EXOC6B: variants seen among roughly 807,000 people sequenced by gnomAD.
EXOC6B encodes SEC15 homolog B.
In EXOC6B, 54 loss-of-function variants were observed where a neutral mutation model predicts 113.5. The observed-to-expected ratio is 0.48, with a 90% CI of 0.38 to 0.60. The LOEUF (loss-of-function observed/expected upper bound fraction) is 0.60, where lower values mean the gene tolerates loss of function less well. Ranked by LOEUF, EXOC6B falls within the 20% of genes least tolerant of loss-of-function variation. EXOC6B has a pLI of 0.00. For missense variants in EXOC6B, 797 were observed against 977.5 expected, an observed-to-expected ratio of 0.82 and a Z score of 2.46; for synonymous variants, 357 against 339.0, an observed-to-expected ratio of 1.05 and a Z score of -0.58.
intron 18 of EXOC6B, among the ~76,000 whole-genome samples, chr2:72,412,869 T>C (rs1694266880): frequency 6.6e-6 from 1 of 152,164 alleles, no homozygotes; most frequent in Admixed American, 6.6e-5. Context: ...CAGCATAAAG[T>C]AGAAGAAGCT....
intron 20 of EXOC6B, among the ~76,000 whole-genome samples, chr2:72,329,210 G>C (rs1688299614): frequency 6.6e-6 from 1 of 151,950 alleles, no homozygotes; most frequent in Non-Finnish European, 1.5e-5. Flanking sequence ...TAAACACTTG[G>C]GAAAACTACA....
At chr2:72,378,150 C>T (rs762321562) in intron 19 of EXOC6B, among the ~76,000 whole-genome samples, 10 of 152,182 alleles carry the variant, frequency 6.6e-5, no homozygotes, top group Non-Finnish European at 8.8e-5. Context: ...TCACAGACCT[C>T]CAGTGGCTGT....
At chr2:72,542,236 A>C (rs2105793047) in intron 8 of EXOC6B, among the ~76,000 whole-genome samples, 1 of 152,254 alleles carries the variant, frequency 6.6e-6, no homozygotes, top group South Asian at 2.1e-4. Flanking sequence ...GGTGAGAATA[A>C]CCCAGAATTC....
chr2:72,491,418 C>T (rs188872372), intron 16 of EXOC6B, among the ~76,000 whole-genome samples: 1 of 152,222 alleles, frequency 6.6e-6, no homozygotes, highest in Non-Finnish European at 1.5e-5. Context: ...CACCATAATC[C>T]TTGACAGTGT....
chr2:72,510,558 T>C (rs1296104352), intron 11 of EXOC6B, among the ~76,000 whole-genome samples: 3 of 151,456 alleles, frequency 2.0e-5, no homozygotes, highest in Non-Finnish European at 2.9e-5. Flanking sequence ...TAAAATTAAA[T>C]CATATTCATC....
At chr2:72,307,150 G>A (rs1378481697) in intron 20 of EXOC6B, among the ~76,000 whole-genome samples, 1 of 119,132 alleles carries the variant, frequency 8.4e-6, no homozygotes, top group Non-Finnish European at 1.6e-5. Context: ...TGACTGCAAT[G>A]GTATAGTCCA....
intron 19 of EXOC6B, among the ~76,000 whole-genome samples, chr2:72,358,043 G>A (rs1211445020): frequency 6.6e-6 from 1 of 152,130 alleles, no homozygotes; most frequent in Non-Finnish European, 1.5e-5. Context: ...ATCCACTGAG[G>A]CTCTTGGAAT....
Position 72,826,023 on chromosome 2 carries a change from C to T in EXOC6B, c.-113G>A. 1.4e-6 allele frequency: 2 copies of T among 1,476,508 alleles called. No individual in the cohort carries two copies. The highest frequency in any genetic ancestry group is 1.3e-5 in the South Asian group (1 of 75,004). The allele number at this position is 1,476,508 out of a possible 1,614,324, so 91.5% of individuals were successfully genotyped here. A position where few individuals can be genotyped will look rare whatever the true frequency, so the allele number is the denominator to read the frequency against. On this transcript the variant is annotated 5_prime_UTR_variant, in exon 1 of 22. Coordinates refer to ENST00000272427, the MANE Select transcript of EXOC6B (RefSeq NM_015189.3). ...ACAGCCGCCCCAGCCTCTGGCTACCCGCAGGCCGACCCCTCCCTCAGGCTC... is the reference window on the plus strand; with the variant it reads ...ACAGCCGCCCCAGCCTCTGGCTACCTGCAGGCCGACCCCTCCCTCAGGCTC...
chr2:72,205,716 C>G (rs201242755), intron 20 of EXOC6B, among the ~76,000 whole-genome samples: 12 of 152,118 alleles, frequency 7.9e-5, no homozygotes, highest in Non-Finnish European at 1.8e-4. Context: ...ATGAGGAAGG[C>G]GGTTGATGGC....
intron 1 of EXOC6B, among the ~76,000 whole-genome samples, chr2:72,774,156 C>T (rs1683560061): frequency 6.6e-6 from 1 of 152,102 alleles, no homozygotes; most frequent in Non-Finnish European, 1.5e-5. Context: ...TCAAAAAACA[C>T]ATTCATTAAT....
intron 5 of EXOC6B, among the ~76,000 whole-genome samples, chr2:72,721,203 C>T (rs1482336500): frequency 2.0e-5 from 3 of 151,362 alleles, no homozygotes; most frequent in Non-Finnish European, 4.4e-5. Context: ...TTGGTGGGAG[C>T]CTATAATCCC....
intron 20 of EXOC6B, among the ~76,000 whole-genome samples, chr2:72,254,956 A>G (rs1158860729): frequency 2.0e-5 from 3 of 152,224 alleles, no homozygotes; most frequent in African/African-American, 7.2e-5. Context: ...GCAGAAAGAA[A>G]CCAACACTTA....
chr2:72,207,197 T>C lies in EXOC6B; in HGVS notation c.2197-23010A>G, dbSNP rs181534224. 6.0e-4 allele frequency among the ~76,000 whole-genome samples: 92 copies of C among 152,358 alleles called. No individual in the cohort carries two copies. In the East Asian group the frequency reaches 6.7e-3, roughly 11 times the overall value. ...CGTACTAACTTGAACAAATCCCTTA[T>C]TGATGGGTATTTTGAGATTTTTCCC... On this transcript the variant is annotated intron_variant, in intron 20 of 21. Coordinates refer to ENST00000272427, the MANE Select transcript of EXOC6B (RefSeq NM_015189.3).
intron 8 of EXOC6B, among the ~76,000 whole-genome samples, chr2:72,551,985 G>C (rs1411691363): frequency 3.2e-4 from 2 of 6,182 alleles, no homozygotes; most frequent in African/African-American, 4.0e-4. Context: ...AATTCAGTAA[G>C]TGTTTTTTTA....
intron 8 of EXOC6B, among the ~76,000 whole-genome samples, chr2:72,553,850 C>A (rs567353152): frequency 5.9e-5 from 9 of 152,074 alleles, no homozygotes; most frequent in African/African-American, 1.9e-4. Flanking sequence ...TAGTTTGAGG[C>A]ACTAAAAAGT....
At chr2:72,770,415 T>C (rs1016970092) in intron 1 of EXOC6B, among the ~76,000 whole-genome samples, 1 of 152,176 alleles carries the variant, frequency 6.6e-6, no homozygotes, top group Non-Finnish European at 1.5e-5. Flanking sequence ...ATTCTGTACA[T>C]TTAAAAAAAA....
intron 6 of EXOC6B, among the ~76,000 whole-genome samples, chr2:72,609,909 T>C (rs1246491058): frequency 1.3e-5 from 2 of 151,988 alleles, no homozygotes; most frequent in African/African-American, 4.8e-5. Flanking sequence ...AAAAAACAAT[T>C]TGAATACAAC....
chr2:72,181,072 G>T (rs1678053448), intron 21 of EXOC6B, among the ~76,000 whole-genome samples: 1 of 152,058 alleles, frequency 6.6e-6, no homozygotes, highest in Non-Finnish European at 1.5e-5. Flanking sequence ...GGCCGGGTGT[G>T]GTGGCAGGTG....
chr2:72,529,979 T>TGATA (rs1178289140), intron 8 of EXOC6B, among the ~76,000 whole-genome samples: 1 of 152,172 alleles, frequency 6.6e-6, no homozygotes, highest in Non-Finnish European at 1.5e-5. Flanking sequence ...TATTCCCTGT[T>TGATA]TTAGTTTTAT....
Sources: allele counts gnomAD v4.1 joint callset (sites outside exome capture counted in the v4.1 genomes callset), GRCh38; gene constraint gnomAD v4.1.1; transcripts MANE v1.5; gene names NCBI Gene and HGNC (gene_info 2026-07-23, HGNC 2026-07-21).